ASRGL1: variants seen among roughly 807,000 people sequenced by gnomAD.
The protein encoded by ASRGL1 is isoaspartyl peptidase/L-asparaginase.
A neutral mutation model predicts 22.4 loss-of-function variants in ASRGL1; 16 were observed. The ratio of observed to expected loss-of-function variants is 0.71; its 90% confidence interval spans 0.48 to 1.08. The LOEUF is 1.08. Among genes scored for constraint, ASRGL1 ranks in the 50% least tolerant of loss-of-function variants. The probability of loss-of-function intolerance (pLI) is 0.00; values close to 1 mark genes in which losing one functional copy is unlikely to be tolerated. For synonymous variants in ASRGL1, 165 were observed against 159.3 expected, an observed-to-expected ratio of 1.04 and a Z score of -0.27; for missense variants, 412 against 410.1, an observed-to-expected ratio of 1.00 and a Z score of -0.04.
At chr11:62,384,011 CAT>C (rs1491130286) in intron 4 of ASRGL1, among the ~76,000 whole-genome samples, 5 of 137,824 alleles carry the variant, frequency 3.6e-5, no homozygotes, top group Non-Finnish European at 8.1e-5. Flanking sequence ...TGTGTGTGTG[CAT>C]GTGTGTGTGT....
At chr11:62,384,231 G>T (rs561639349) in intron 4 of ASRGL1, among the ~76,000 whole-genome samples, 4 of 151,932 alleles carry the variant, frequency 2.6e-5, no homozygotes, top group Non-Finnish European at 5.9e-5. Context: ...AAGTCCGGGC[G>T]CAGTGGCTCA....
chr11:62,391,434 G>A (rs747216660), intron 5 of ASRGL1, 88 bp from the exon 6 acceptor site: 89 of 1,491,186 alleles, frequency 6.0e-5, no homozygotes, highest in Middle Eastern at 1.8e-4. Flanking sequence ...CACCCTTCGC[G>A]ATTTAACTTT....
At position 62,349,916 on chromosome 11, in the gene ASRGL1, T is replaced by G. The variant is rs1946130339; in HGVS notation, c.191-6409T>G. 2.6e-5 allele frequency among the ~76,000 whole-genome samples: 4 copies of G among 152,180 alleles called. No individual in the cohort carries two copies. The South Asian group carries it at 8.3e-4, about 32-fold the overall frequency. On this transcript the variant is annotated intron_variant, in intron 2 of 6. Transcript: ENST00000415229. ...ACGTTGTCATGGCGTTTGTAAGCTG[T>G]CACGGTGGGAGTGGAGCAGTGAGGA...
At chr11:62,354,164 G>A (rs1946225564) in intron 2 of ASRGL1, among the ~76,000 whole-genome samples, 1 of 152,226 alleles carries the variant, frequency 6.6e-6, no homozygotes, top group African/African-American at 2.4e-5. Context: ...TTTTACACAT[G>A]AAGAAACAAG....
intron 4 of ASRGL1, among the ~76,000 whole-genome samples, chr11:62,385,470 C>G (rs1222880416): frequency 6.6e-6 from 1 of 152,176 alleles, no homozygotes; most frequent in Non-Finnish European, 1.5e-5. Flanking sequence ...CTGTACCTGG[C>G]TCTTATGAGC....
chr11:62,367,765 A>G (rs1210940724), intron 4 of ASRGL1, among the ~76,000 whole-genome samples: 1 of 151,616 alleles, frequency 6.6e-6, no homozygotes. Context: ...AACATAGTAA[A>G]ATCCCATCTC....
chr11:62,368,790 G>A (rs971507540), intron 4 of ASRGL1, among the ~76,000 whole-genome samples: 2 of 152,142 alleles, frequency 1.3e-5, no homozygotes, highest in African/African-American at 4.8e-5. Flanking sequence ...TTAAGAAAAG[G>A]TGCTGTGCCT....
chr11:62,374,414 T>C (rs1946860117), intron 4 of ASRGL1, among the ~76,000 whole-genome samples: 1 of 152,078 alleles, frequency 6.6e-6, no homozygotes, highest in African/African-American at 2.4e-5. Context: ...TTCCAGAGGG[T>C]CTGGACTGGT....
chr11:62,364,548 G>A (rs1946564307), intron 4 of ASRGL1, among the ~76,000 whole-genome samples: 1 of 152,168 alleles, frequency 6.6e-6, no homozygotes, highest in African/African-American at 2.4e-5. Context: ...GCACTTCCAT[G>A]TTCATTGCAG....
chr11:62,371,953 CA>C (rs35892721), intron 4 of ASRGL1: 43,174 of 411,338 alleles, frequency 0.1, 1 homozygote, highest in East Asian at 0.14. Context: ...GACTCCGTCT[CA>C]AAAAAAAAAA....
chr11:62,393,163 G>T lies in ASRGL1; in HGVS notation c.*879G>T, dbSNP rs1947382603. 6.6e-6 allele frequency: 1 copy of T among 152,326 alleles called. No homozygotes were observed. Among genetic ancestry groups the T allele is most frequent in the Non-Finnish European group, 1.5e-5 (1 of 68,158 alleles). 9.4% of individuals were successfully genotyped at this position (152,326 alleles called of 1,614,324 possible). ...TTCCTGAGTCCTCACCCTGTCCAGTGCTTTGAGATTCTTCCCACCTCCCCA... is the reference window on the plus strand; with the variant it reads ...TTCCTGAGTCCTCACCCTGTCCAGTTCTTTGAGATTCTTCCCACCTCCCCA... On this transcript the variant is annotated 3_prime_UTR_variant, in exon 7 of 7. Coordinates refer to ENST00000415229, the MANE Select transcript of ASRGL1 (RefSeq NM_001083926.2).
At chr11:62,394,153 ATAATAC>A (rs1947400666), downstream of ASRGL1, among the ~76,000 whole-genome samples, 1 of 137,056 alleles carries the variant, frequency 7.3e-6, no homozygotes, top group Non-Finnish European at 1.6e-5. Context: ...TAACATTTAT[ATAATAC>A]ATATATATTA....
At chr11:62,374,466 G>C (rs1364432920) in intron 4 of ASRGL1, among the ~76,000 whole-genome samples, 1 of 152,172 alleles carries the variant, frequency 6.6e-6, no homozygotes, top group African/African-American at 2.4e-5. Flanking sequence ...TGGTGCTTAT[G>C]GGGGAGATGG....
chr11:62,375,406 T>G (rs2134667149), intron 4 of ASRGL1, among the ~76,000 whole-genome samples: 1 of 134,242 alleles, frequency 7.4e-6, no homozygotes, highest in East Asian at 2.2e-4. Context: ...GGTGCCTGGT[T>G]TAGTGCTGTA....
At chr11:62,400,467 G>A in the ASRGL1 span, among the ~76,000 whole-genome samples, 2 of 152,126 alleles carry the variant, frequency 1.3e-5, no homozygotes, top group South Asian at 4.1e-4. Flanking sequence ...TCTGTTCCAT[G>A]GACCCAAAGT....
chr11:62,368,614 C>T (rs1377571734), intron 4 of ASRGL1, among the ~76,000 whole-genome samples: 1 of 152,100 alleles, frequency 6.6e-6, no homozygotes, highest in Non-Finnish European at 1.5e-5. Flanking sequence ...GACCGGCGCT[C>T]AGCGTACGGA....
At chr11:62,379,122 T>C (rs1223720255) in intron 4 of ASRGL1, among the ~76,000 whole-genome samples, 2 of 152,146 alleles carry the variant, frequency 1.3e-5, no homozygotes, top group Non-Finnish European at 2.9e-5. Flanking sequence ...ATTGAAGTAA[T>C]CATTGGTTGA....
At chr11:62,374,137 G>T (rs751675544) in intron 4 of ASRGL1, among the ~76,000 whole-genome samples, 2 of 152,194 alleles carry the variant, frequency 1.3e-5, no homozygotes, top group African/African-American at 2.4e-5. Flanking sequence ...CCATCCTGTT[G>T]CTGAGACTCG....
intron 4 of ASRGL1, among the ~76,000 whole-genome samples, chr11:62,369,122 T>TA (rs1946694429): frequency 6.6e-6 from 1 of 152,150 alleles, no homozygotes; most frequent in Non-Finnish European, 1.5e-5. Flanking sequence ...CCCTGGACAA[T>TA]ATCTGGCTTT....
Sources: allele counts gnomAD v4.1 joint callset (sites outside exome capture counted in the v4.1 genomes callset), GRCh38; gene constraint gnomAD v4.1.1; transcripts MANE v1.5; gene names NCBI Gene and HGNC (gene_info 2026-07-23, HGNC 2026-07-21).